LIX1: variants seen among roughly 807,000 people sequenced by gnomAD.
LIX1 encodes limb and CNS expressed 1.
Under a neutral mutation model 33.4 loss-of-function variants are expected in LIX1, and 24 were observed. The observed-to-expected ratio is 0.72, with a 90% CI of 0.52 to 1.01. LIX1 has a LOEUF of 1.01. Among genes scored for constraint, LIX1 ranks in the 50% least tolerant of loss-of-function variants. The pLI, the probability that LIX1 is intolerant of heterozygous loss-of-function variation, is 0.00. For synonymous variants in LIX1, 124 were observed against 124.0 expected (o/e 1.00, Z 0.00); for missense variants, 311 against 339.2 (o/e 0.92, Z 0.65).
At chr5:97,113,267 C>T (rs1185770424) in intron 2 of LIX1, among the ~76,000 whole-genome samples, 1 of 152,210 alleles carries the variant, frequency 6.6e-6, no homozygotes, top group Non-Finnish European at 1.5e-5. Flanking sequence ...AAAGCAACCT[C>T]CTTCCAGAAG....
At chr5:97,101,518 T>A (rs534405633) in intron 4 of LIX1, among the ~76,000 whole-genome samples, 49 of 152,320 alleles carry the variant, frequency 3.2e-4, no homozygotes, top group African/African-American at 1.1e-3. Flanking sequence ...GCGGAGTAAA[T>A]TTAATATAGA....
intron 4 of LIX1, among the ~76,000 whole-genome samples, chr5:97,099,155 T>A (rs1746543123): frequency 6.6e-6 from 1 of 152,154 alleles, no homozygotes; most frequent in African/African-American, 2.4e-5. Context: ...CTGGCCCCTC[T>A]CCTCCACATC....
At chr5:97,135,393 C>T (rs774067610) in intron 1 of LIX1, among the ~76,000 whole-genome samples, 21 of 152,084 alleles carry the variant, frequency 1.4e-4, no homozygotes, top group Non-Finnish European at 2.4e-4. Context: ...TTTATATGTG[C>T]ACATTGGGTC....
intron 4 of LIX1, among the ~76,000 whole-genome samples, chr5:97,100,814 C>T (rs1042292343): frequency 1.5e-4 from 22 of 151,502 alleles, no homozygotes; most frequent in African/African-American, 5.3e-4. Flanking sequence ...TGTGGAATGT[C>T]CCAGCTACTT....
rs1387168080 is a variant in LIX1 at position 97,107,491 on chromosome 5, T to C, written c.256A>G (p.Ser86Gly). Residue 86 changes from serine to glycine, a missense_variant, in exon 3 of 6, where the codon AGT (serine) becomes GGT (glycine). Coordinates refer to ENST00000274382, the MANE Select transcript of LIX1 (RefSeq NM_153234.5). ...GCATCCCGCCTGGCCTCGGCTCTAC[T>C]TAAGCAGCACTTGAGAAGGGAGGGA... ...SCFGNFQCCL[S>G]RAEARRDAAK... The C allele has an allele frequency of 6.2e-7, 1 of 1,614,082 alleles. No individual in the cohort carries two copies. Among genetic ancestry groups the C allele is most frequent in the Admixed American group, 1.7e-5 (1 of 60,024 alleles).
intron 2 of LIX1, among the ~76,000 whole-genome samples, chr5:97,117,218 A>G (rs1369616045): frequency 1.3e-5 from 2 of 152,226 alleles, no homozygotes; most frequent in African/African-American, 4.8e-5. Context: ...GATTTCCACC[A>G]GGAAATACCT....
chr5:97,105,272 T>A lies in LIX1; in HGVS notation c.401A>T (p.Asp134Val), dbSNP rs376367705. Residue 134 changes from aspartate to valine, a missense_variant, in exon 4 of 6, where the codon GAT becomes GTT. Asp to Val is a radical substitution (Grantham distance 152, BLOSUM62 -3). Coordinates refer to ENST00000274382, the MANE Select transcript of LIX1 (RefSeq NM_153234.5). Reference sequence around the variant, plus strand: ...AACACTGGTGCTGGGGTCATCTGCATCATCTAAGGTGCCCTTGGGAAAGAA... The same window carrying A: ...AACACTGGTGCTGGGGTCATCTGCAACATCTAAGGTGCCCTTGGGAAAGAA... ...AVASTSGTLD[D>V]ADDPSTSVGA... 1.2e-6 allele frequency: 2 copies of A among 1,613,722 alleles called. No homozygotes were observed. The highest frequency in any genetic ancestry group is 2.7e-5 in the African/African-American group (2 of 74,906).
At chr5:97,124,854 A>G (rs894056803) in intron 1 of LIX1, among the ~76,000 whole-genome samples, 8 of 152,190 alleles carry the variant, frequency 5.3e-5, no homozygotes, top group Non-Finnish European at 8.8e-5. Context: ...TTATTTACAA[A>G]TGCAAATGTG....
At chr5:97,107,960 C>G (rs971977310) in intron 2 of LIX1, among the ~76,000 whole-genome samples, 1 of 152,166 alleles carries the variant, frequency 6.6e-6, no homozygotes, top group African/African-American at 2.4e-5. Flanking sequence ...TCAGCTCTGG[C>G]ATTTACTAAC....
rs1388769345 is a variant in LIX1 at position 97,094,981 on chromosome 5, T to A, written c.616A>T (p.Met206Leu). The A allele has an allele frequency of 1.9e-6, 3 of 1,614,164 alleles. No individual in the cohort carries two copies. The highest frequency in any genetic ancestry group is 2.7e-5 in the African/African-American group (2 of 75,046). The change falls in exon 6 of 6, where the codon ATG becomes TTG. Residue 206 changes from methionine (M) to leucine (L), a missense_variant. Coordinates refer to ENST00000274382, the MANE Select transcript of LIX1 (RefSeq NM_153234.5). ...YSLDEKMRSH[M>L]ALDWIMKERD... ...TCCTTCATGATCCAGTCCAGGGCCA[T>A]GTGGCTGCGCATCTTTTCATCTAGA...
intron 4 of LIX1, among the ~76,000 whole-genome samples, chr5:97,100,071 C>T (rs1283356605): frequency 6.6e-6 from 1 of 152,136 alleles, no homozygotes; most frequent in Non-Finnish European, 1.5e-5. Flanking sequence ...ACTATTCTTC[C>T]TCTGGGGTCT....
At chr5:97,116,733 G>A (rs1395413189) in intron 2 of LIX1, among the ~76,000 whole-genome samples, 3 of 151,334 alleles carry the variant, frequency 2.0e-5, no homozygotes, top group Admixed American at 6.6e-5. Flanking sequence ...TAGACAAGAC[G>A]AATTGATCAG....
chr5:97,100,774 A>G (rs925571723), intron 4 of LIX1, among the ~76,000 whole-genome samples: 2 of 151,408 alleles, frequency 1.3e-5, no homozygotes, highest in African/African-American at 4.9e-5. Context: ...AAGCTCTGTT[A>G]CTCTAAAGGA....
chr5:97,140,151 A>C (rs1290578040), intron 1 of LIX1, among the ~76,000 whole-genome samples: 1 of 152,214 alleles, frequency 6.6e-6, no homozygotes, highest in Non-Finnish European at 1.5e-5. Flanking sequence ...GTATAACCAA[A>C]GAGTGAAGAG....
At chr5:97,120,597 T>G (rs1747753432) in intron 2 of LIX1, among the ~76,000 whole-genome samples, 1 of 152,140 alleles carries the variant, frequency 6.6e-6, no homozygotes, top group African/African-American at 2.4e-5. Flanking sequence ...GAAGAGAAGG[T>G]GGCAATAGCA....
At chr5:97,141,651 T>C (rs1748291328) in intron 1 of LIX1, among the ~76,000 whole-genome samples, 1 of 152,190 alleles carries the variant, frequency 6.6e-6, no homozygotes, top group African/African-American at 2.4e-5. Context: ...CTGCAACCTA[T>C]TGAAGTTAAA....
intron 2 of LIX1, among the ~76,000 whole-genome samples, chr5:97,117,085 C>T (rs969555693): frequency 6.6e-6 from 1 of 152,152 alleles, no homozygotes; most frequent in African/African-American, 2.4e-5. Flanking sequence ...AATATGCACT[C>T]CCAATTTCAT....
chr5:97,108,718 C>T (rs1362079760), intron 2 of LIX1, among the ~76,000 whole-genome samples: 1 of 151,972 alleles, frequency 6.6e-6, no homozygotes, highest in Admixed American at 6.5e-5. Flanking sequence ...GCCGGGCACC[C>T]CTGACTGTGC....
intron 1 of LIX1, among the ~76,000 whole-genome samples, chr5:97,133,625 G>A (rs981956147): frequency 6.6e-6 from 1 of 152,186 alleles, no homozygotes; most frequent in African/African-American, 2.4e-5. Flanking sequence ...AGAGTTCAGG[G>A]ATAGAAAAGA....
Sources: allele counts gnomAD v4.1 joint callset (sites outside exome capture counted in the v4.1 genomes callset), GRCh38; gene constraint gnomAD v4.1.1; transcripts MANE v1.5; gene names NCBI Gene and HGNC (gene_info 2026-07-23, HGNC 2026-07-21).